The following DTNA variants were observed in gnomAD, a reference collection of about 807,000 sequenced individuals.
DTNA encodes dystrophin-related protein 3.
In DTNA, 43 loss-of-function variants were observed where a neutral mutation model predicts 100.7. That is an observed-to-expected ratio of 0.43 (90% CI 0.33 to 0.55). The LOEUF (loss-of-function observed/expected upper bound fraction) is 0.55, where lower values mean the gene tolerates loss of function less well. DTNA is among the 20% of genes least tolerant of loss of function. The pLI is 0.04. For synonymous variants in DTNA, 349 were observed against 347.9 expected (o/e 1.00, Z -0.04); for missense variants, 798 against 953.9 (o/e 0.84, Z 2.15).
At chr18:34,761,423 C>T (rs1479625503) in intron 2 of DTNA, among the ~76,000 whole-genome samples, 2 of 151,800 alleles carry the variant, frequency 1.3e-5, no homozygotes, top group Non-Finnish European at 1.5e-5. Context: ...AAGACTGGTT[C>T]GTTGATTTGT....
At chr18:34,856,172 C>T (rs1568793652) in intron 15 of DTNA, among the ~76,000 whole-genome samples, 2 of 152,138 alleles carry the variant, frequency 1.3e-5, no homozygotes, top group Non-Finnish European at 2.9e-5. Flanking sequence ...TTCTAGAGCT[C>T]CCCAACCCAT....
At chr18:34,815,864 G>T in intron 6 of DTNA, 45 bp from the exon 7 acceptor site, 1 of 1,498,322 alleles carries the variant, frequency 6.7e-7, no homozygotes, top group South Asian at 1.1e-5. Context: ...CAGGTAAATT[G>T]AGATGATTCT....
chr18:34,709,188 T>A (rs1054965961), upstream of DTNA, among the ~76,000 whole-genome samples: 3 of 152,166 alleles, frequency 2.0e-5, no homozygotes, highest in Non-Finnish European at 4.4e-5. Context: ...TAGTGCCAAG[T>A]CTTTTGATGG....
chr18:34,864,083 T>G, intron 17 of DTNA, 21 bp downstream of exon 17: 1 of 1,585,162 alleles, frequency 6.3e-7, no homozygotes, highest in Non-Finnish European at 8.6e-7. Context: ...CCAGATAAAT[T>G]TTCCTGAGCT....
chr18:34,776,680 A>G (rs1316315305), intron 3 of DTNA, among the ~76,000 whole-genome samples: 1 of 152,214 alleles, frequency 6.6e-6, no homozygotes, highest in Non-Finnish European at 1.5e-5. Context: ...TTCAATCTCA[A>G]AGGGATATCT....
chr18:34,775,098 C>T (rs1213896850), intron 3 of DTNA, among the ~76,000 whole-genome samples: 3 of 152,210 alleles, frequency 2.0e-5, no homozygotes, highest in African/African-American at 7.2e-5. Flanking sequence ...GAATTCACTC[C>T]TGTGATTAGA....
intron 1 of DTNA, among the ~76,000 whole-genome samples, chr18:34,633,358 A>G (rs966233570): frequency 2.6e-5 from 4 of 152,208 alleles, no homozygotes; most frequent in Non-Finnish European, 5.9e-5. Flanking sequence ...AACATAAAAC[A>G]GTAAGAAACT....
At chr18:34,571,733 C>G (rs1178372583) in intron 1 of DTNA, among the ~76,000 whole-genome samples, 3 of 152,130 alleles carry the variant, frequency 2.0e-5, no homozygotes, top group African/African-American at 4.8e-5. Flanking sequence ...GTCTCTAACT[C>G]TCTGCAAAGG....
At chr18:34,658,266 C>T (rs1193172239) in intron 1 of DTNA, among the ~76,000 whole-genome samples, 1 of 152,200 alleles carries the variant, frequency 6.6e-6, no homozygotes, top group Non-Finnish European at 1.5e-5. Flanking sequence ...CAAAAACAGT[C>T]AGGCAAATCT....
At chr18:34,617,444 T>C (rs1025688760) in intron 1 of DTNA, among the ~76,000 whole-genome samples, 1 of 152,216 alleles carries the variant, frequency 6.6e-6, no homozygotes, top group African/African-American at 2.4e-5. Context: ...CTGGGTATGT[T>C]GAACCAATCT....
intron 2 of DTNA, among the ~76,000 whole-genome samples, chr18:34,758,865 G>C (rs1037221314): frequency 6.6e-6 from 1 of 152,166 alleles, no homozygotes; most frequent in African/African-American, 2.4e-5. Context: ...GAGAGCAATT[G>C]ATAAGAAAAA....
chr18:34,881,944 A>T (rs2096877603), intron 20 of DTNA, 125 bp from the exon 21 acceptor site: 1 of 1,337,560 alleles, frequency 7.5e-7, no homozygotes, highest in African/African-American at 1.4e-5. Context: ...TAAAGAAGAC[A>T]TGAAAGTGAC....
At chr18:34,536,694 A>ATTTGCTTTCTTT in intron 1 of DTNA, among the ~76,000 whole-genome samples, 1 of 152,104 alleles carries the variant, frequency 6.6e-6, no homozygotes, top group Middle Eastern at 3.4e-3. Flanking sequence ...CTATTATCTA[A>ATTTGCTTTCTTT]TTTGCATCTA....
chr18:34,890,940 G>A lies in DTNA; in HGVS notation c.*3206G>A, dbSNP rs1318838174. On this transcript the variant is annotated 3_prime_UTR_variant, in exon 23 of 23. Transcript: ENST00000444659. ...TGTCCACCCTTATTAGTTCTTGGCT[G>A]TTAACCGTAGATAGATCTTGTAAAT... The A allele has an allele frequency of 1.3e-5, 2 of 153,948 alleles. No homozygotes were observed. Among genetic ancestry groups the A allele is most frequent in the African/African-American group, 4.8e-5 (2 of 41,432 alleles). 9.5% of individuals were successfully genotyped at this position (153,948 alleles called of 1,614,324 possible). A position where few individuals can be genotyped will look rare whatever the true frequency, so the allele number is the denominator to read the frequency against.
chr18:34,627,209 A>G (rs1354378477), intron 1 of DTNA, among the ~76,000 whole-genome samples: 1 of 152,232 alleles, frequency 6.6e-6, no homozygotes, highest in African/African-American at 2.4e-5. Flanking sequence ...CTGATGATTT[A>G]AGTGACTTGA....
At chr18:34,731,403 C>T (rs942888919) in intron 1 of DTNA, among the ~76,000 whole-genome samples, 3 of 151,672 alleles carry the variant, frequency 2.0e-5, no homozygotes, top group Non-Finnish European at 2.9e-5. Flanking sequence ...GGCGTGAACC[C>T]GGGAAGCGGA....
chr18:34,849,441 C>T (rs565788318), intron 14 of DTNA, among the ~76,000 whole-genome samples: 9 of 152,288 alleles, frequency 5.9e-5, no homozygotes, highest in African/African-American at 2.2e-4. Flanking sequence ...TGTGTCCCAG[C>T]TCTCCATGAC....
intron 14 of DTNA, among the ~76,000 whole-genome samples, chr18:34,851,205 A>G (rs1790538): frequency 0.14 from 21,946 of 152,080 alleles, 1,844 homozygotes; most frequent in African/African-American, 0.24. Context: ...GGGCTCAAGC[A>G]ATTCTCCTGC....
At chr18:34,756,082 A>G (rs1253926546) in intron 2 of DTNA, 39 bp downstream of exon 2, 2 of 1,584,382 alleles carry the variant, frequency 1.3e-6, no homozygotes, top group African/African-American at 1.3e-5. Context: ...TATAGTTTCC[A>G]TTGAATACTC....
Sources: allele counts gnomAD v4.1 joint callset (sites outside exome capture counted in the v4.1 genomes callset), GRCh38; gene constraint gnomAD v4.1.1; transcripts MANE v1.5; gene names NCBI Gene and HGNC (gene_info 2026-07-23, HGNC 2026-07-21).